PRR16: variants seen among roughly 807,000 people sequenced by gnomAD.
PRR16 encodes the protein proline rich 16.
Under a neutral mutation model 18.2 loss-of-function variants are expected in PRR16, and 6 were observed. The observed-to-expected ratio is 0.33, with a 90% CI of 0.18 to 0.65. The LOEUF (loss-of-function observed/expected upper bound fraction) is 0.65. PRR16 is among the 30% of genes least tolerant of loss of function. The pLI is 0.74. For missense variants in PRR16, 412 were observed against 376.6 expected (o/e 1.09, Z -0.78); for synonymous variants, 151 against 147.8 (o/e 1.02, Z -0.16).
chr5:120,681,207 A>AT (rs1300919632), intron 1 of PRR16, among the ~76,000 whole-genome samples: 1 of 151,940 alleles, frequency 6.6e-6, no homozygotes, highest in Non-Finnish European at 1.5e-5. Context: ...TTTCGTTGTC[A>AT]TTTTTTAAGA....
the PRR16 span, among the ~76,000 whole-genome samples, chr5:120,736,749 G>A: frequency 6.6e-6 from 1 of 151,864 alleles, no homozygotes; most frequent in Non-Finnish European, 1.5e-5. Flanking sequence ...GTTTATGTGT[G>A]TCTTCTTTAA....
At chr5:120,672,238 CTGTGTGTGTGTGTGTGTGTGTG>C (rs3048020) in intron 1 of PRR16, among the ~76,000 whole-genome samples, 1 of 135,004 alleles carries the variant, frequency 7.4e-6, no homozygotes, top group African/African-American at 2.8e-5. Context: ...GGTGAGGGGT[CTGTGTGTGTGTGTGTGTGTGTG>C]TGTGTGTGTG....
At chr5:120,694,558 C>A in the PRR16 span, among the ~76,000 whole-genome samples, 4 of 151,840 alleles carry the variant, frequency 2.6e-5, no homozygotes, top group Non-Finnish European at 5.9e-5. Flanking sequence ...GTGGCGGGCG[C>A]CTGTAGTCCC....
At chr5:120,466,702 A>C (rs957829081) in intron 1 of PRR16, among the ~76,000 whole-genome samples, 3 of 152,212 alleles carry the variant, frequency 2.0e-5, no homozygotes, top group Non-Finnish European at 4.4e-5. Flanking sequence ...TAAGGTTAAA[A>C]AAAAGGTTGT....
At chr5:120,547,934 T>C (rs959188010) in intron 1 of PRR16, among the ~76,000 whole-genome samples, 1 of 151,950 alleles carries the variant, frequency 6.6e-6, no homozygotes, top group Admixed American at 6.6e-5. Context: ...ACTTTAGCAA[T>C]ATGAAAAAAA....
intron 1 of PRR16, among the ~76,000 whole-genome samples, chr5:120,490,041 C>T (rs1388273483): frequency 1.3e-5 from 2 of 152,130 alleles, no homozygotes; most frequent in Non-Finnish European, 2.9e-5. Context: ...TGATGGGCTT[C>T]CCTTTGTGGG....
intron 1 of PRR16, among the ~76,000 whole-genome samples, chr5:120,634,978 C>A (rs1185895394): frequency 6.6e-6 from 1 of 152,030 alleles, no homozygotes; most frequent in Non-Finnish European, 1.5e-5. Flanking sequence ...TGCAAGGCTA[C>A]TATGAACATC....
At chr5:120,774,073 A>ATAT in the PRR16 span, among the ~76,000 whole-genome samples, 1 of 151,636 alleles carries the variant, frequency 6.6e-6, no homozygotes, top group Non-Finnish European at 1.5e-5. Context: ...TTTTGAGTTG[A>ATAT]TTTCCTGTTG....
intron 1 of PRR16, among the ~76,000 whole-genome samples, chr5:120,626,592 G>A (rs1191645379): frequency 6.6e-6 from 1 of 152,034 alleles, no homozygotes; most frequent in Non-Finnish European, 1.5e-5. Context: ...ACACTTAAAT[G>A]GAAGAATTTT....
chr5:120,504,514 C>G (rs1750576566), intron 1 of PRR16, among the ~76,000 whole-genome samples: 1 of 152,182 alleles, frequency 6.6e-6, no homozygotes, highest in African/African-American at 2.4e-5. Flanking sequence ...CTGTCACATA[C>G]TGACTGGGAT....
chr5:120,703,429 C>T, the PRR16 span, among the ~76,000 whole-genome samples: 14,619 of 152,236 alleles, frequency 0.096, 2,190 homozygotes, highest in East Asian at 0.73. Context: ...AATTTATTTT[C>T]GAAGCCTAGT....
chr5:120,608,512 G>T (rs1376468441), intron 1 of PRR16, among the ~76,000 whole-genome samples: 1 of 152,158 alleles, frequency 6.6e-6, no homozygotes, highest in Non-Finnish European at 1.5e-5. Flanking sequence ...ATGTTCACAA[G>T]ATGATTACTT....
At chr5:120,535,589 C>T (rs146273751) in intron 1 of PRR16, among the ~76,000 whole-genome samples, 1 of 152,046 alleles carries the variant, frequency 6.6e-6, no homozygotes, top group Non-Finnish European at 1.5e-5. Context: ...CGCTTGAGCT[C>T]GAGAGTTCAA....
the PRR16 span, among the ~76,000 whole-genome samples, chr5:120,787,996 C>T: frequency 1.3e-5 from 2 of 151,890 alleles, no homozygotes; most frequent in Admixed American, 1.3e-4. Flanking sequence ...TTTGATCATG[C>T]TTCTCCCTCT....
intron 1 of PRR16, among the ~76,000 whole-genome samples, chr5:120,573,286 A>G (rs1419210560): frequency 6.6e-6 from 1 of 152,150 alleles, no homozygotes; most frequent in Non-Finnish European, 1.5e-5. Flanking sequence ...CATGACTTTG[A>G]ATTCAAATTC....
the PRR16 span, among the ~76,000 whole-genome samples, chr5:120,760,048 G>A: frequency 6.6e-5 from 10 of 152,108 alleles, no homozygotes; most frequent in Non-Finnish European, 1.2e-4. Context: ...AAAGCAAAAA[G>A]ACCTAAATAT....
intron 1 of PRR16, among the ~76,000 whole-genome samples, chr5:120,501,308 G>A (rs552407583): frequency 6.6e-6 from 1 of 152,046 alleles, no homozygotes; most frequent in South Asian, 2.1e-4. Flanking sequence ...AATATACATT[G>A]GAATATTATT....
intron 1 of PRR16, among the ~76,000 whole-genome samples, chr5:120,621,483 G>C (rs1754688312): frequency 6.6e-6 from 1 of 152,042 alleles, no homozygotes. Flanking sequence ...TATACAAGCT[G>C]TGTTTTGGGT....
intron 1 of PRR16, among the ~76,000 whole-genome samples, chr5:120,483,446 A>AACATACATACATACATACAT (rs34353882): frequency 6.6e-6 from 1 of 150,902 alleles, no homozygotes; most frequent in Non-Finnish European, 1.5e-5. Flanking sequence ...AGATAGGTTC[A>AACATACATACATACATACAT]ACATACATAC....
Sources: gnomAD v4.1 joint callset for allele counts (sites outside exome capture counted in the v4.1 genomes callset) on GRCh38, gnomAD v4.1.1 for gene constraint, MANE v1.5 for transcripts, NCBI Gene and HGNC (gene_info 2026-07-23, HGNC 2026-07-21) for gene names.